The following SLC22A3 variants were observed in gnomAD, a reference collection of about 807,000 sequenced individuals.
SLC22A3 encodes solute carrier family 22 member 3, also known as EMT organic cation transporter 3.
SLC22A3 carries 51 observed loss-of-function variants against 59.1 expected under a neutral mutation model. That is an observed-to-expected ratio of 0.86 (90% confidence interval 0.69 to 1.09). The LOEUF is 1.09. SLC22A3 is among the 50% of genes least tolerant of loss of function. The probability of loss-of-function intolerance (pLI) is 0.00; values close to 1 mark genes in which losing one functional copy is unlikely to be tolerated. For synonymous variants in SLC22A3, 325 were observed against 292.0 expected (o/e 1.11, Z -1.15); for missense variants, 711 against 726.3 (o/e 0.98, Z 0.24).
intron 4 of SLC22A3, 33 bp downstream of exon 4, chr6:160,408,954 C>T (rs1259669961): frequency 5.7e-6 from 9 of 1,586,428 alleles, no homozygotes; most frequent in Non-Finnish European, 7.8e-6. Flanking sequence ...CATATTTATA[C>T]TGATTCTGCA....
intron 1 of SLC22A3, among the ~76,000 whole-genome samples, chr6:160,390,288 C>T (rs888732075): frequency 2.0e-5 from 3 of 151,996 alleles, no homozygotes; most frequent in Non-Finnish European, 2.9e-5. Flanking sequence ...AAAGCAAGAG[C>T]GGCAGGAAGG....
At position 160,348,586 on chromosome 6, in the gene SLC22A3, C is replaced by T; in HGVS notation, c.167C>T (p.Ala56Val). The part of the protein sequence containing the change: ...PDHYWCRGPS[A>V]AALAERCGWS... ...CACTACTGGTGCCGCGGGCCAAGTG[C>T]CGCGGCGCTGGCCGAGCGCTGCGGC... The change falls in exon 1 of 11, where the codon GCC becomes GTC. Residue 56 changes from alanine (A) to valine (V), a missense_variant. Transcript: ENST00000275300. The T allele has an allele frequency of 6.6e-7, 1 of 1,525,136 alleles. No homozygotes were observed. Among genetic ancestry groups the T allele is most frequent in the Non-Finnish European group, 8.7e-7 (1 of 1,145,536 alleles). 94.5% of individuals were successfully genotyped at this position (1,525,136 alleles called of 1,614,324 possible). A position where few individuals can be genotyped will look rare whatever the true frequency, so the allele number is the denominator to read the frequency against.
At chr6:160,349,177 A>G in intron 1 of SLC22A3, 1 of 661,048 alleles carries the variant, frequency 1.5e-6, no homozygotes, top group Non-Finnish European at 1.9e-6. Context: ...CGCGTTCCTT[A>G]TCTTTGAGGT....
intron 7 of SLC22A3, among the ~76,000 whole-genome samples, chr6:160,442,365 C>T (rs1423458813): frequency 6.6e-6 from 1 of 152,170 alleles, no homozygotes; most frequent in Non-Finnish European, 1.5e-5. Flanking sequence ...ACAGAAAGGA[C>T]AGCTGGGCAC....
intron 9 of SLC22A3, among the ~76,000 whole-genome samples, chr6:160,444,415 TTC>T (rs1013576033): frequency 1.6e-4 from 25 of 152,262 alleles, no homozygotes; most frequent in African/African-American, 5.5e-4. Flanking sequence ...ATTTCTGGTG[TTC>T]TCTCTCTATG....
At chr6:160,429,441 G>A (rs1788072084) in intron 5 of SLC22A3, among the ~76,000 whole-genome samples, 1 of 152,098 alleles carries the variant, frequency 6.6e-6, no homozygotes, top group Non-Finnish European at 1.5e-5. Flanking sequence ...CCCTGCCCAT[G>A]GTAAACCCTG....
At chr6:160,401,324 A>T (rs1273627611) in intron 2 of SLC22A3, among the ~76,000 whole-genome samples, 3 of 152,006 alleles carry the variant, frequency 2.0e-5, no homozygotes, top group Non-Finnish European at 4.4e-5. Context: ...ATAATGTCTT[A>T]CTATAGTAAA....
At chr6:160,406,072 G>C (rs1787001744) in intron 2 of SLC22A3, among the ~76,000 whole-genome samples, 1 of 152,104 alleles carries the variant, frequency 6.6e-6, no homozygotes, top group African/African-American at 2.4e-5. Context: ...GTAAACTGTG[G>C]ACATTGGGTG....
chr6:160,446,063 A>G (rs536889618), intron 9 of SLC22A3, among the ~76,000 whole-genome samples: 1 of 152,288 alleles, frequency 6.6e-6, no homozygotes, highest in East Asian at 1.9e-4. Flanking sequence ...AGGGGTGGCA[A>G]AGTGACAGAC....
intron 1 of SLC22A3, among the ~76,000 whole-genome samples, chr6:160,361,918 A>G (rs977732234): frequency 6.6e-6 from 1 of 152,252 alleles, no homozygotes; most frequent in Non-Finnish European, 1.5e-5. Flanking sequence ...TTCCCCTTCT[A>G]ATACTAGGTC....
chr6:160,397,522 T>G (rs1293702688), intron 1 of SLC22A3, among the ~76,000 whole-genome samples: 1 of 151,838 alleles, frequency 6.6e-6, no homozygotes, highest in Non-Finnish European at 1.5e-5. Flanking sequence ...GATTACGAGG[T>G]CAAGAGATCG....
chr6:160,419,687 C>T (rs923374311), intron 5 of SLC22A3, among the ~76,000 whole-genome samples: 5 of 152,216 alleles, frequency 3.3e-5, no homozygotes, highest in Admixed American at 6.5e-5. Context: ...TCTCACTTTA[C>T]AGGATGAATG....
intron 1 of SLC22A3, among the ~76,000 whole-genome samples, chr6:160,378,444 C>T (rs1034619034): frequency 4.6e-5 from 7 of 152,208 alleles, no homozygotes; most frequent in African/African-American, 7.2e-5. Flanking sequence ...CATGTTCTGA[C>T]GAGATTTTGA....
intron 5 of SLC22A3, among the ~76,000 whole-genome samples, chr6:160,423,356 A>T (rs1304524918): frequency 6.6e-6 from 1 of 152,194 alleles, no homozygotes; most frequent in Non-Finnish European, 1.5e-5. Flanking sequence ...CAGTAATGGG[A>T]TGGCTGGGTC....
At position 160,452,217 on chromosome 6, in the gene SLC22A3, TGA is replaced by T. The variant is rs1788994792; in HGVS notation, c.*1163_*1164del. The T allele has an allele frequency of 6.6e-6, 1 of 152,220 alleles. No individual in the cohort carries two copies. Among genetic ancestry groups the T allele is most frequent in the African/African-American group, 2.4e-5 (1 of 41,460 alleles). 9.4% of individuals were successfully genotyped at this position (152,220 alleles called of 1,614,324 possible). ...TTCAGATGCAGTCTATATTTTATGCTGAGTTTTAAAAATGAAATACTTTATGC... is the reference window on the plus strand; with the variant it reads ...TTCAGATGCAGTCTATATTTTATGCTGTTTTAAAAATGAAATACTTTATGC... On this transcript the variant is annotated 3_prime_UTR_variant, in exon 11 of 11. Transcript: ENST00000275300.
chr6:160,422,043 G>A (rs1464616518), intron 5 of SLC22A3, among the ~76,000 whole-genome samples: 1 of 152,222 alleles, frequency 6.6e-6, no homozygotes, highest in Non-Finnish European at 1.5e-5. Flanking sequence ...TGCGCAGCCA[G>A]CAACCCTGGC....
chr6:160,448,301 C>T (rs1356111269), intron 10 of SLC22A3, among the ~76,000 whole-genome samples: 1 of 152,078 alleles, frequency 6.6e-6, no homozygotes, highest in Non-Finnish European at 1.5e-5. Context: ...TGTTTTCTCT[C>T]TGCAGCTGGA....
chr6:160,364,520 C>G (rs1326367294), intron 1 of SLC22A3, among the ~76,000 whole-genome samples: 1 of 152,158 alleles, frequency 6.6e-6, no homozygotes, highest in African/African-American at 2.4e-5. Flanking sequence ...TTAAAGTATA[C>G]AAATTGGATT....
At chr6:160,439,761 C>T (rs2114919601) in intron 7 of SLC22A3, among the ~76,000 whole-genome samples, 1 of 152,300 alleles carries the variant, frequency 6.6e-6, no homozygotes, top group Non-Finnish European at 1.5e-5. Context: ...GCAGACTTGG[C>T]TGCTTTTATA....
Sources: allele counts gnomAD v4.1 joint callset (sites outside exome capture counted in the v4.1 genomes callset), GRCh38; gene constraint gnomAD v4.1.1; transcripts MANE v1.5; gene names NCBI Gene and HGNC (gene_info 2026-07-23, HGNC 2026-07-21).